Variants in CDH13 observed in about 807,000 individuals in gnomAD.
The protein encoded by CDH13 is cadherin 13.
In CDH13, 24 loss-of-function variants were observed where a neutral mutation model predicts 63.8. The ratio of observed to expected loss-of-function variants is 0.38; its 90% CI spans 0.27 to 0.53. The LOEUF (loss-of-function observed/expected upper bound fraction) is 0.53. CDH13 is among the 20% of genes least tolerant of loss of function. The pLI is 0.85. For missense variants in CDH13, 1,049 were observed against 903.1 expected, an observed-to-expected ratio of 1.16 and a Z score of -2.07; for synonymous variants, 503 against 355.3, an observed-to-expected ratio of 1.42 and a Z score of -4.67.
intron 10 of CDH13, among the ~76,000 whole-genome samples, chr16:83,724,886 C>T: frequency 6.6e-6 from 1 of 152,150 alleles, no homozygotes; most frequent in East Asian, 1.9e-4. Context: ...GCTTCCCAGC[C>T]TTTCTTCCAG....
chr16:82,793,865 C>T (rs1215848098), intron 1 of CDH13, among the ~76,000 whole-genome samples: 1 of 152,112 alleles, frequency 6.6e-6, no homozygotes, highest in East Asian at 1.9e-4. Context: ...GAATTTTCCC[C>T]TTGCAGTTAG....
intron 6 of CDH13, among the ~76,000 whole-genome samples, chr16:83,425,065 T>C (rs2071847101): frequency 1.3e-5 from 2 of 152,230 alleles, no homozygotes; most frequent in South Asian, 2.1e-4. Context: ...TATCACACCA[T>C]AGCATGCTTA....
intron 7 of CDH13, among the ~76,000 whole-genome samples, chr16:83,597,186 G>A (rs1907343967): frequency 6.6e-6 from 1 of 151,656 alleles, no homozygotes; most frequent in African/African-American, 2.4e-5. Flanking sequence ...TCATGCCACT[G>A]CACTCCAGCC....
chr16:83,044,066 C>T (rs1457897085), intron 3 of CDH13, among the ~76,000 whole-genome samples: 2 of 152,180 alleles, frequency 1.3e-5, no homozygotes, highest in Non-Finnish European at 2.9e-5. Flanking sequence ...AAGGATCATT[C>T]ACTGAGTTCC....
At chr16:83,392,960 C>G (rs964550314) in intron 6 of CDH13, among the ~76,000 whole-genome samples, 1 of 151,590 alleles carries the variant, frequency 6.6e-6, no homozygotes, top group Non-Finnish European at 1.5e-5. Context: ...GGGGAGAGGC[C>G]CAGGGGAGGG....
intron 1 of CDH13, among the ~76,000 whole-genome samples, chr16:82,703,271 C>T (rs977376847): frequency 1.3e-5 from 2 of 152,110 alleles, no homozygotes; most frequent in African/African-American, 4.8e-5. Context: ...GGCTGCCCCA[C>T]AGCCTCTCAG....
chr16:83,171,636 C>T, intron 4 of CDH13: 1 of 1,296,912 alleles, frequency 7.7e-7, no homozygotes, highest in Non-Finnish European at 1.1e-6. Flanking sequence ...TCTCCAATTT[C>T]CTATATGCCA....
rs920448951 is a variant in CDH13 at position 83,015,544 on chromosome 16, A to G, written c.158-16466A>G. ...CTCACTTTGTAATGTTTGCAGTAAG[A>G]TTCCAGCATCTTAGCATTTAACTGT... On this transcript the variant is annotated intron_variant, in intron 2 of 13. Transcript: ENST00000567109. Among the ~76,000 whole-genome samples, 5 of 151,302 alleles carry G rather than the reference A, an allele frequency of 3.3e-5. No individual in the cohort carries two copies. In the East Asian group the frequency reaches 9.7e-4, roughly 29 times the overall value.
At chr16:83,710,566 G>T (rs908365315) in intron 10 of CDH13, 4 of 151,126 alleles carry the variant, frequency 2.6e-5, no homozygotes, top group Admixed American at 2.0e-4. Flanking sequence ...AAAAAAAAGA[G>T]TGTTGCGGGG....
intron 8 of CDH13, among the ~76,000 whole-genome samples, chr16:83,665,839 G>C (rs1039651055): frequency 6.6e-6 from 1 of 152,138 alleles, no homozygotes; most frequent in Non-Finnish European, 1.5e-5. Context: ...TTCTGCTCTT[G>C]GAGGAAGAAC....
chr16:83,405,547 G>A (rs1213586479), intron 6 of CDH13, among the ~76,000 whole-genome samples: 1 of 152,216 alleles, frequency 6.6e-6, no homozygotes, highest in Admixed American at 6.5e-5. Context: ...CATGTCACTA[G>A]AAGGAATGTA....
intron 1 of CDH13, among the ~76,000 whole-genome samples, chr16:82,787,557 G>A (rs1050073145): frequency 1.3e-5 from 2 of 152,104 alleles, no homozygotes; most frequent in African/African-American, 4.8e-5. Flanking sequence ...ACAATTTATC[G>A]AGCATTTATT....
chr16:83,271,387 G>C (rs1716773537), intron 5 of CDH13, among the ~76,000 whole-genome samples: 1 of 108,240 alleles, frequency 9.2e-6, no homozygotes, highest in South Asian at 3.5e-4. Flanking sequence ...GTTGGATCTA[G>C]ACACCAGCTC....
At chr16:83,426,965 C>T (rs759583426) in intron 6 of CDH13, among the ~76,000 whole-genome samples, 129 of 116,270 alleles carry the variant, frequency 1.1e-3, no homozygotes, top group Non-Finnish European at 1.6e-3. Flanking sequence ...CTTGCTCTGT[C>T]GCCCAGGCTA....
chr16:82,681,913 G>C (rs1181041133), intron 1 of CDH13, among the ~76,000 whole-genome samples: 2 of 152,226 alleles, frequency 1.3e-5, no homozygotes, highest in East Asian at 3.8e-4. Context: ...TTGAGCTCCA[G>C]TTGCCTGCAG....
intron 3 of CDH13, among the ~76,000 whole-genome samples, chr16:83,044,510 A>C (rs755730150): frequency 6.6e-6 from 1 of 152,244 alleles, no homozygotes. Context: ...AACCTTGTGG[A>C]AACAGCACGA....
intron 5 of CDH13, among the ~76,000 whole-genome samples, chr16:83,339,054 C>A (rs2090664989): frequency 6.6e-6 from 1 of 152,126 alleles, no homozygotes; most frequent in Non-Finnish European, 1.5e-5. Flanking sequence ...ACCCACAGGG[C>A]GCCTTGCACA....
chr16:83,352,613 G>T (rs938171654), intron 6 of CDH13, among the ~76,000 whole-genome samples: 1 of 152,160 alleles, frequency 6.6e-6, no homozygotes, highest in African/African-American at 2.4e-5. Flanking sequence ...AAAATCAGCC[G>T]GGTGCGGTGG....
intron 7 of CDH13, among the ~76,000 whole-genome samples, chr16:83,494,277 A>C (rs1450534452): frequency 6.6e-6 from 1 of 152,134 alleles, no homozygotes; most frequent in Non-Finnish European, 1.5e-5. Flanking sequence ...GAATGTTTTC[A>C]TTTTTGGAAA....
Sources: gnomAD v4.1 joint callset for allele counts (sites outside exome capture counted in the v4.1 genomes callset) on GRCh38, gnomAD v4.1.1 for gene constraint, MANE v1.5 for transcripts, NCBI Gene and HGNC (gene_info 2026-07-23, HGNC 2026-07-21) for gene names.